Variants in L3MBTL4 observed in about 807,000 individuals in gnomAD.
L3MBTL4 encodes the protein lethal(3)malignant brain tumor-like protein 4.
A neutral mutation model predicts 84.5 loss-of-function variants in L3MBTL4; 70 were observed. The ratio of observed to expected loss-of-function variants is 0.83; its 90% CI spans 0.68 to 1.01. L3MBTL4 has a LOEUF of 1.01. Among genes scored for constraint, L3MBTL4 ranks in the 50% least tolerant of loss-of-function variants. L3MBTL4 has a pLI of 0.00. For synonymous variants in L3MBTL4, 274 were observed against 259.8 expected, an observed-to-expected ratio of 1.05 and a Z score of -0.52; for missense variants, 715 against 754.8, an observed-to-expected ratio of 0.95 and a Z score of 0.62.
At chr18:6,264,885 G>GT (rs1051693795) in intron 4 of L3MBTL4, among the ~76,000 whole-genome samples, 14 of 152,182 alleles carry the variant, frequency 9.2e-5, no homozygotes, top group African/African-American at 2.9e-4. Context: ...AAACACAAGA[G>GT]TTTTTTTCCT....
chr18:6,399,362 G>A (rs560029634), intron 1 of L3MBTL4, among the ~76,000 whole-genome samples: 8 of 152,026 alleles, frequency 5.3e-5, no homozygotes, highest in East Asian at 3.9e-4. Context: ...GCCTGAACCC[G>A]GGAGGCAGAG....
intron 12 of L3MBTL4, among the ~76,000 whole-genome samples, chr18:6,187,875 A>G (rs1237731531): frequency 6.6e-6 from 1 of 152,124 alleles, no homozygotes; most frequent in Non-Finnish European, 1.5e-5. Context: ...CCAAAAAAAA[A>G]AAAAAAAAGT....
At chr18:6,164,384 C>G (rs1161930884) in intron 13 of L3MBTL4, among the ~76,000 whole-genome samples, 1 of 152,228 alleles carries the variant, frequency 6.6e-6, no homozygotes, top group Non-Finnish European at 1.5e-5. Context: ...ACTGCATCCT[C>G]AAGTGGGTCC....
chr18:6,119,668 G>A (rs2059466441), intron 14 of L3MBTL4, among the ~76,000 whole-genome samples: 1 of 152,136 alleles, frequency 6.6e-6, no homozygotes, highest in African/African-American at 2.4e-5. Context: ...AATATTATTT[G>A]ATAGAAGACC....
At chr18:6,355,325 C>A (rs1000215929) in intron 1 of L3MBTL4, among the ~76,000 whole-genome samples, 2 of 151,982 alleles carry the variant, frequency 1.3e-5, no homozygotes, top group African/African-American at 4.8e-5. Context: ...TATGTACCCA[C>A]AAAAATTAAA....
At chr18:5,965,497 G>A (rs567676618) in intron 17 of L3MBTL4, among the ~76,000 whole-genome samples, 29 of 152,220 alleles carry the variant, frequency 1.9e-4, no homozygotes, top group Non-Finnish European at 2.8e-4. Context: ...CTGACAAAGC[G>A]CAAAAGCACC....
chr18:6,238,104 T>A, intron 9 of L3MBTL4, 64 bp from the exon 10 acceptor site: 1 of 1,379,320 alleles, frequency 7.2e-7, no homozygotes, highest in Non-Finnish European at 1.0e-6. Context: ...AATTCAAGAG[T>A]AACAATCATT....
At chr18:6,289,225 G>T (rs1045780750) in intron 4 of L3MBTL4, among the ~76,000 whole-genome samples, 1 of 152,060 alleles carries the variant, frequency 6.6e-6, no homozygotes, top group African/African-American at 2.4e-5. Flanking sequence ...GTGTGACTGG[G>T]TTTAAAGAGA....
chr18:6,379,414 T>C (rs1456389305), intron 1 of L3MBTL4, among the ~76,000 whole-genome samples: 2 of 152,222 alleles, frequency 1.3e-5, no homozygotes, highest in African/African-American at 4.8e-5. Context: ...AAGGAAATGT[T>C]CCAGTTTTTG....
At chr18:6,285,362 G>T (rs561936497) in intron 4 of L3MBTL4, among the ~76,000 whole-genome samples, 2 of 152,254 alleles carry the variant, frequency 1.3e-5, no homozygotes, top group Admixed American at 1.3e-4. Flanking sequence ...CAAAGAGGGA[G>T]AACTGTTACT....
At chr18:6,140,469 T>A (rs2060162394) in intron 13 of L3MBTL4, among the ~76,000 whole-genome samples, 1 of 152,110 alleles carries the variant, frequency 6.6e-6, no homozygotes, top group African/African-American at 2.4e-5. Flanking sequence ...GACGAGGTGT[T>A]ATCAAAACAC....
At chr18:6,254,362 C>T (rs969371301) in intron 5 of L3MBTL4, among the ~76,000 whole-genome samples, 14 of 149,126 alleles carry the variant, frequency 9.4e-5, no homozygotes, top group African/African-American at 3.5e-4. Flanking sequence ...CATGGGGATA[C>T]AGGCCAAGCA....
At chr18:5,966,110 A>G (rs1291334636) in intron 17 of L3MBTL4, among the ~76,000 whole-genome samples, 52 of 152,174 alleles carry the variant, frequency 3.4e-4, no homozygotes, top group Non-Finnish European at 1.5e-5. Context: ...CTCTGTCCTA[A>G]TGACACTTTC....
intron 16 of L3MBTL4, among the ~76,000 whole-genome samples, chr18:6,023,851 T>A (rs1206408347): frequency 6.6e-6 from 1 of 151,516 alleles, no homozygotes; most frequent in South Asian, 2.1e-4. Flanking sequence ...TCGTGCAGTG[T>A]TTCAGTGGTA....
At chr18:6,052,690 G>C (rs951322442) in intron 16 of L3MBTL4, among the ~76,000 whole-genome samples, 1 of 152,212 alleles carries the variant, frequency 6.6e-6, no homozygotes, top group Non-Finnish European at 1.5e-5. Context: ...AGGAAAGAAA[G>C]AGAATCTGAA....
At chr18:6,168,754 G>C (rs1340058852) in intron 13 of L3MBTL4, among the ~76,000 whole-genome samples, 3 of 151,302 alleles carry the variant, frequency 2.0e-5, no homozygotes, top group South Asian at 2.1e-4. Context: ...TACCATTCAG[G>C]ACATAGGCAT....
chr18:6,036,234 A>G (rs2056132774), intron 16 of L3MBTL4, among the ~76,000 whole-genome samples: 1 of 152,144 alleles, frequency 6.6e-6, no homozygotes. Flanking sequence ...AATTTTGGAA[A>G]TTCTCAGCAA....
At chr18:6,095,346 G>GTTTTTTTTTTTTT in intron 14 of L3MBTL4, among the ~76,000 whole-genome samples, 1 of 122,932 alleles carries the variant, frequency 8.1e-6, no homozygotes, top group African/African-American at 3.4e-5. Flanking sequence ...GGGGAACATG[G>GTTTTTTTTTTTTT]TTTTTTTTTT....
At chr18:6,192,536 C>G (rs146053097) in intron 12 of L3MBTL4, among the ~76,000 whole-genome samples, 31 of 151,920 alleles carry the variant, frequency 2.0e-4, no homozygotes, top group Non-Finnish European at 3.5e-4. Flanking sequence ...CTTCTGCTTT[C>G]TAGGTGGGAT....
Sources: gnomAD v4.1 joint callset for allele counts (sites outside exome capture counted in the v4.1 genomes callset) on GRCh38, gnomAD v4.1.1 for gene constraint, MANE v1.5 for transcripts, NCBI Gene and HGNC (gene_info 2026-07-23, HGNC 2026-07-21) for gene names.